RTN4: variants seen among roughly 807,000 people sequenced by gnomAD.
RTN4 encodes reticulon 4.
In RTN4, 32 loss-of-function variants were observed where a neutral mutation model predicts 90.4. The ratio of observed to expected loss-of-function variants is 0.35; its 90% CI spans 0.27 to 0.48. The LOEUF (loss-of-function observed/expected upper bound fraction) is 0.48. RTN4 is among the 20% of genes least tolerant of loss of function. The pLI is 0.99. For synonymous variants in RTN4, 629 were observed against 552.5 expected, an observed-to-expected ratio of 1.14 and a Z score of -1.94; for missense variants, 1,706 against 1,430.2, an observed-to-expected ratio of 1.19 and a Z score of -3.11.
At chr2:54,975,032 G>A (rs1305176449) in intron 5 of RTN4, among the ~76,000 whole-genome samples, 1 of 152,186 alleles carries the variant, frequency 6.6e-6, no homozygotes, top group Admixed American at 6.5e-5. Flanking sequence ...TACCAAGGGT[G>A]CATCTTACCC....
the RTN4 span, among the ~76,000 whole-genome samples, chr2:55,121,972 C>T: frequency 6.6e-6 from 1 of 151,922 alleles, no homozygotes; most frequent in South Asian, 2.1e-4. Context: ...GTGGGATTTC[C>T]TATTTTTACT....
At chr2:55,117,890 T>G in the RTN4 span, among the ~76,000 whole-genome samples, 1 of 152,240 alleles carries the variant, frequency 6.6e-6, no homozygotes, top group Non-Finnish European at 1.5e-5. Flanking sequence ...GTTCCATTTC[T>G]TAACATGGGT....
chr2:55,094,715 T>C (rs188166069), intron 1 of RTN4, among the ~76,000 whole-genome samples: 1 of 152,056 alleles, frequency 6.6e-6, no homozygotes, highest in African/African-American at 2.4e-5. Flanking sequence ...AAGGAAGAGC[T>C]GACTAGGAGA....
chr2:55,040,809 A>G (rs1301489562), intron 1 of RTN4, among the ~76,000 whole-genome samples: 1 of 152,004 alleles, frequency 6.6e-6, no homozygotes, highest in South Asian at 2.1e-4. Context: ...AAAAAGGAAT[A>G]TATTAATTTT....
At chr2:55,121,079 G>C in the RTN4 span, among the ~76,000 whole-genome samples, 3 of 152,192 alleles carry the variant, frequency 2.0e-5, no homozygotes. Context: ...CCCAGAATCA[G>C]CCTTGAATCC....
chr2:55,078,190 T>A (rs187882275), intron 2 of RTN4, among the ~76,000 whole-genome samples: 211 of 152,142 alleles, frequency 1.4e-3, no homozygotes, highest in African/African-American at 4.8e-3. Context: ...AAAAAAAAAA[T>A]TTAAAAGAAA....
rs1677260131 is a variant in RTN4, at chr2:54,973,177, T to C, written c.3558A>G (p.Gly1186=). 6.2e-7 allele frequency: 1 copy of C among 1,605,078 alleles called. No individual in the cohort carries two copies. Among genetic ancestry groups the C allele is most frequent in the African/African-American group, 1.3e-5 (1 of 74,964 alleles). Residue 1186 remains glycine (G), a synonymous_variant, in exon 9 of 9, where the codon GGA becomes GGG. Coordinates refer to ENST00000337526, the MANE Select transcript of RTN4 (RefSeq NM_020532.5). Reference sequence around the variant, plus strand: ...GTTTTCATTCAGCTTTGCGCTTCAATCCAGGGATTTTTGCTTGGATTCTGA... The same window carrying C: ...GTTTTCATTCAGCTTTGCGCTTCAACCCAGGGATTTTTGCTTGGATTCTGA... ...AMAKIQAKIP[G]LKRKAE
At chr2:55,132,186 A>G in the RTN4 span, among the ~76,000 whole-genome samples, 4 of 152,142 alleles carry the variant, frequency 2.6e-5, no homozygotes, top group Non-Finnish European at 5.9e-5. Context: ...TCATTACACT[A>G]TGCTCTCCAC....
intron 1 of RTN4, among the ~76,000 whole-genome samples, chr2:55,092,463 A>G (rs1290609870): frequency 6.6e-6 from 1 of 151,962 alleles, no homozygotes; most frequent in Non-Finnish European, 1.5e-5. Context: ...CAAACTCCCA[A>G]CCTCAGGTGA....
At chr2:55,010,394 T>C in intron 3 of RTN4, 1 of 1,249,208 alleles carries the variant, frequency 8.0e-7, no homozygotes, top group Non-Finnish European at 1.0e-6. Flanking sequence ...GCATTTGCCT[T>C]GTTGCTCATA....
intron 2 of RTN4, among the ~76,000 whole-genome samples, chr2:55,070,232 A>G (rs1668469206): frequency 1.3e-5 from 2 of 152,028 alleles, no homozygotes; most frequent in Non-Finnish European, 2.9e-5. Flanking sequence ...GTAATACTCC[A>G]GTAATACACC....
chr2:55,048,293 G>A (rs1318479752), intron 1 of RTN4, among the ~76,000 whole-genome samples: 1 of 152,160 alleles, frequency 6.6e-6, no homozygotes, highest in Non-Finnish European at 1.5e-5. Flanking sequence ...ATGTACTACT[G>A]TACAACTTAC....
At chr2:55,017,453 TG>T (rs1681124738) in intron 3 of RTN4, among the ~76,000 whole-genome samples, 1 of 152,224 alleles carries the variant, frequency 6.6e-6, no homozygotes, top group African/African-American at 2.4e-5. Context: ...TGGTGAATCC[TG>T]GGTATTACAT....
chr2:54,984,043 G>A (rs189484239), intron 4 of RTN4, among the ~76,000 whole-genome samples: 3 of 152,190 alleles, frequency 2.0e-5, no homozygotes, highest in African/African-American at 7.2e-5. Context: ...TAACCTTAAT[G>A]TAGCCCTTAT....
At chr2:55,067,573 G>A (rs560416813) in intron 2 of RTN4, among the ~76,000 whole-genome samples, 3 of 152,082 alleles carry the variant, frequency 2.0e-5, no homozygotes, top group South Asian at 2.1e-4. Flanking sequence ...CCACCACACC[G>A]AGCTAATTTT....
chr2:55,108,979 C>T (rs552683308), intron 1 of RTN4, among the ~76,000 whole-genome samples: 3 of 152,144 alleles, frequency 2.0e-5, no homozygotes, highest in East Asian at 1.9e-4. Context: ...AGGTCTGCAG[C>T]GTTTCCAAGT....
intron 2 of RTN4, among the ~76,000 whole-genome samples, chr2:55,075,724 T>C (rs1458364610): frequency 9.2e-5 from 14 of 152,142 alleles, no homozygotes; most frequent in Admixed American, 9.2e-4. Context: ...AACAGCATAG[T>C]ACTGGTATAA....
At chr2:54,993,089 A>AAAAAG (rs1398893907) in intron 3 of RTN4, among the ~76,000 whole-genome samples, 1 of 151,682 alleles carries the variant, frequency 6.6e-6, no homozygotes. Context: ...AAAAAAAAAA[A>AAAAAG]AAAAGAAAAG....
intron 1 of RTN4, 24 bp downstream of exon 1, chr2:55,049,721 G>T: frequency 7.1e-7 from 1 of 1,401,340 alleles, no homozygotes. Context: ...GGGGCGGCGC[G>T]AAGCGAGAGG....
Sources: gnomAD v4.1 joint callset for allele counts (sites outside exome capture counted in the v4.1 genomes callset) on GRCh38, gnomAD v4.1.1 for gene constraint, MANE v1.5 for transcripts, NCBI Gene and HGNC (gene_info 2026-07-23, HGNC 2026-07-21) for gene names.